Variants in HELQ observed in about 807,000 individuals in gnomAD.
HELQ encodes the protein helicase POLQ-like.
HELQ carries 77 observed loss-of-function variants against 111.6 expected under a neutral mutation model. The ratio of observed to expected loss-of-function variants is 0.69; its 90% CI spans 0.57 to 0.83. The LOEUF (loss-of-function observed/expected upper bound fraction) is 0.83, where lower values mean the gene tolerates loss of function less well. Ranked by LOEUF, HELQ falls within the 40% of genes least tolerant of loss-of-function variation. The probability of loss-of-function intolerance (pLI) is 0.00; values close to 1 mark genes in which losing one functional copy is unlikely to be tolerated. For missense variants in HELQ, 1,200 were observed against 1,288.5 expected, an observed-to-expected ratio of 0.93 and a Z score of 1.05; for synonymous variants, 438 against 454.7, an observed-to-expected ratio of 0.96 and a Z score of 0.47.
At chr4:83,409,274 G>A (rs1303696467) in intron 17 of HELQ, among the ~76,000 whole-genome samples, 1 of 152,106 alleles carries the variant, frequency 6.6e-6, no homozygotes, top group Non-Finnish European at 1.5e-5. Flanking sequence ...AACAAGGCTG[G>A]GCATGGTAGC....
chr4:83,414,494 G>C (rs1207913803), intron 17 of HELQ, among the ~76,000 whole-genome samples: 1 of 152,146 alleles, frequency 6.6e-6, no homozygotes, highest in African/African-American at 2.4e-5. Context: ...GATGCTGACA[G>C]ACACAGCCAG....
At position 83,435,085 on chromosome 4, in the gene HELQ, A is replaced by C. The variant is rs74644842; in HGVS notation, c.2048+1773T>G. ...ACTGGCTTTAAAACTCATTTGTTGG[A>C]AAATGAGTTGGGAAAAAGTTATGTA... On this transcript the variant is annotated intron_variant, in intron 9 of 17. Coordinates refer to ENST00000295488, the MANE Select transcript of HELQ (RefSeq NM_133636.5). Among the ~76,000 whole-genome samples the C allele has an allele frequency of 4.0e-3, 608 of 152,342 alleles. 3 individuals carry two copies. Among genetic ancestry groups the C allele is most frequent in the Non-Finnish European group, 6.8e-3 (465 of 68,032 alleles).
chr4:83,416,674 A>G, intron 17 of HELQ, 57 bp downstream of exon 17: 6 of 1,547,412 alleles, frequency 3.9e-6, no homozygotes, highest in Non-Finnish European at 5.3e-6. Flanking sequence ...TGTCTATAAT[A>G]CAAGGAAATA....
chr4:83,436,365 C>T (rs1032603828), intron 9 of HELQ, among the ~76,000 whole-genome samples: 2 of 152,052 alleles, frequency 1.3e-5, no homozygotes, highest in Non-Finnish European at 2.9e-5. Flanking sequence ...TAGCAAAATA[C>T]CCCATGATCA....
intron 3 of HELQ, 139 bp from the exon 4 acceptor site, chr4:83,447,174 C>T: frequency 1.7e-6 from 1 of 597,746 alleles, no homozygotes; most frequent in Non-Finnish European, 2.9e-6. Flanking sequence ...ACAGTGAGAC[C>T]TCATCTCTAT....
intron 9 of HELQ, 136 bp downstream of exon 9, chr4:83,436,722 C>A (rs1720479251): frequency 2.6e-6 from 2 of 777,574 alleles, no homozygotes; most frequent in Non-Finnish European, 2.0e-6. Flanking sequence ...AATAAACCAA[C>A]CAATCAACTC....
intron 4 of HELQ, 88 bp downstream of exon 4, chr4:83,446,747 A>G: frequency 1.4e-6 from 1 of 726,084 alleles, no homozygotes; most frequent in Admixed American, 2.4e-5. Context: ...TAGAGGTACT[A>G]AGGTACTAAG....
At chr4:83,449,997 T>C (rs1005607079) in intron 2 of HELQ, among the ~76,000 whole-genome samples, 6 of 151,550 alleles carry the variant, frequency 4.0e-5, no homozygotes, top group African/African-American at 1.5e-4. Context: ...TAGTATAAAA[T>C]AGAACTGCAC....
At position 83,431,774 on chromosome 4, in the gene HELQ, A is replaced by G. The variant is rs908745887; in HGVS notation, c.2191-6T>C. ...TTAGTTATTAACTCCAATACCTATA[A>G]AGGTTAAAGCAAAACCATGCCTTGT... On this transcript the variant is annotated splice_region_variant and splice_polypyrimidine_tract_variant and intron_variant, in intron 10 of 17. Coordinates refer to ENST00000295488, the MANE Select transcript of HELQ (RefSeq NM_133636.5). The G allele has an allele frequency of 3.9e-6, 5 of 1,273,984 alleles. No individual in the cohort carries two copies. The highest frequency in any genetic ancestry group is 1.8e-5 in the South Asian group (1 of 56,640). The allele number at this position is 1,273,984 out of a possible 1,614,324, so 78.9% of individuals were successfully genotyped here. A position where few individuals can be genotyped will look rare whatever the true frequency, so the allele number is the denominator to read the frequency against.
At chr4:83,410,128 T>C (rs1189554866) in intron 17 of HELQ, among the ~76,000 whole-genome samples, 1 of 152,068 alleles carries the variant, frequency 6.6e-6, no homozygotes, top group African/African-American at 2.4e-5. Flanking sequence ...GGCCCATACC[T>C]ATAGTCCCAG....
intron 15 of HELQ, 90 bp downstream of exon 15, chr4:83,421,473 G>T (rs1429309937): frequency 2.2e-5 from 19 of 879,528 alleles, no homozygotes; most frequent in Non-Finnish European, 3.0e-5. Flanking sequence ...AGGAGAAAAT[G>T]CTGACATACT....
chr4:83,430,117 C>T (rs1720060772), intron 11 of HELQ, among the ~76,000 whole-genome samples: 1 of 151,146 alleles, frequency 6.6e-6, no homozygotes, highest in East Asian at 1.9e-4. Context: ...CTGCATTCCA[C>T]CCAACTGTAA....
chr4:83,447,058 G>C (rs754925433), intron 3 of HELQ, 23 bp from the exon 4 acceptor site: 1 of 1,543,408 alleles, frequency 6.5e-7, no homozygotes, highest in Non-Finnish European at 8.9e-7. Context: ...TTAAAATAAA[G>C]AAAAATTGGC....
At chr4:83,437,601 T>C (rs1720529539) in intron 8 of HELQ, among the ~76,000 whole-genome samples, 1 of 128,224 alleles carries the variant, frequency 7.8e-6, no homozygotes, top group Admixed American at 7.7e-5. Flanking sequence ...CAAAGCCTTG[T>C]CTAAAAAAAA....
At position 83,455,399 on chromosome 4, in the gene HELQ, G is replaced by C. The variant is rs1230183484; in HGVS notation, c.295C>G (p.Gln99Glu). ...TTCAAGTTCCAAGTCCTCCGTACCT[G>C]GTCTCCCACCCCTCTGTCAGTGGGC... ...HMPTDRGVGD[Q>E]PNDSEVDMFG... Residue 99 changes from glutamine (Q) to glutamate (E), a missense_variant and splice_region_variant, in exon 1 of 18, where the codon CAG becomes GAG. Physicochemically the swap from Gln to Glu is conservative, Grantham distance 29. This residue lies in a region of HELQ where 610 missense variants were observed against 607.1 expected (regional missense o/e 1.00). Coordinates refer to ENST00000295488, the MANE Select transcript of HELQ (RefSeq NM_133636.5). 5.0e-6 allele frequency: 8 copies of C among 1,609,414 alleles called. No homozygotes were observed. The highest frequency in any genetic ancestry group is 1.7e-5 in the Admixed American group (1 of 59,922).
chr4:83,440,627 T>C (rs1400509715), intron 7 of HELQ, among the ~76,000 whole-genome samples: 1 of 152,240 alleles, frequency 6.6e-6, no homozygotes, highest in East Asian at 1.9e-4. Flanking sequence ...CTTTTTAATA[T>C]CCTTCATACA....
In HELQ at chr4:83,418,107, T is replaced by C; in HGVS notation, c.3049A>G (p.Thr1017Ala). 2 of 1,593,332 alleles carry C rather than the reference T, an allele frequency of 1.3e-6. No individual in the cohort carries two copies. The highest frequency in any genetic ancestry group is 2.7e-5 in the African/African-American group (2 of 74,364). ...KAELIPLMEVTGVLEGRAKQL... is the reference protein window; with the variant it reads ...KAELIPLMEVAGVLEGRAKQL... ...AAGCTACTGACCTCTAAAACTCCAG[T>C]AACTTCCATGAGAGGGATTAATTCT... Residue 1017 changes from threonine (T) to alanine (A), a missense_variant, in exon 16 of 18, where the codon ACT becomes GCT. Around this residue, in one of 3 missense-constraint regions of HELQ, gnomAD observed 585 missense variants for 665.3 expected, o/e 0.88. Transcript: ENST00000295488.
At chr4:83,436,801 C>T in intron 9 of HELQ, 57 bp downstream of exon 9, 2 of 1,549,674 alleles carry the variant, frequency 1.3e-6, no homozygotes, top group Non-Finnish European at 1.7e-6. Context: ...AACAAAACTC[C>T]TCGCAAGCTA....
In HELQ at chr4:83,408,453, A is replaced by G. The variant is rs567789359; in HGVS notation, c.3199-893T>C. On this transcript the variant is annotated intron_variant, in intron 17 of 17. Coordinates refer to ENST00000295488, the MANE Select transcript of HELQ (RefSeq NM_133636.5). Reference sequence around the variant, plus strand: ...TTTTTAGTAGAGATGGGGTTTCACCATGTTGGCCAGGATGGTCTCCACTGC... The same window carrying G: ...TTTTTAGTAGAGATGGGGTTTCACCGTGTTGGCCAGGATGGTCTCCACTGC... Among the ~76,000 whole-genome samples the G allele has an allele frequency of 4.6e-5, 7 of 151,708 alleles. No homozygotes were observed. The East Asian group carries it at 9.6e-4, about 21-fold the overall frequency.
Sources: allele counts gnomAD v4.1 joint callset (sites outside exome capture counted in the v4.1 genomes callset), GRCh38; gene constraint gnomAD v4.1.1; regional missense constraint gnomAD v4.1.1; transcripts MANE v1.5; gene names NCBI Gene and HGNC (gene_info 2026-07-23, HGNC 2026-07-21).